The following TYRP1 variants were observed in gnomAD, a reference collection of about 807,000 sequenced individuals.
The protein encoded by TYRP1 is tyrosinase related protein 1, also known as 5,6-dihydroxyindole-2-carboxylic acid oxidase.
Under a neutral mutation model 42.8 loss-of-function variants are expected in TYRP1, and 49 were observed. The observed-to-expected ratio is 1.14, with a 90% confidence interval of 0.91 to 1.45. The LOEUF is 1.45. TYRP1 is among the 40% of genes most tolerant of loss of function. TYRP1 has a pLI of 0.00. For missense variants in TYRP1, 848 were observed against 662.0 expected, an observed-to-expected ratio of 1.28 and a Z score of -3.08; for synonymous variants, 279 against 235.4, an observed-to-expected ratio of 1.19 and a Z score of -1.69.
chr9:12,697,569 T>C (rs1396898494), intron 3 of TYRP1, among the ~76,000 whole-genome samples: 1 of 152,132 alleles, frequency 6.6e-6, no homozygotes, highest in Non-Finnish European at 1.5e-5. Context: ...AGAAATATAC[T>C]GAGTGCTTGA....
chr9:12,708,128 G>T lies in TYRP1; in HGVS notation c.1393G>T (p.Glu465Ter). Residue 465 changes from glutamate (E) to a stop codon, truncating the protein, a stop_gained, in exon 7 of 8, where the codon GAA (glutamate) becomes TAA (stop). Transcript: ENST00000388918. LOFTEE classifies it high-confidence loss of function. ...TCCAGACAACCTGGGATACACTTAT[G>T]AAATTCAATGGCCAAGTGAGTGTTG... ...TAPDNLGYTYEIQWPSREFSV... is the reference protein window; with the variant it reads ...TAPDNLGYTY 1 of 1,612,670 alleles carries T rather than the reference G, an allele frequency of 6.2e-7. No individual in the cohort carries two copies. Among genetic ancestry groups the T allele is most frequent in the Non-Finnish European group, 8.5e-7 (1 of 1,179,212 alleles).
chr9:12,705,595 G>A (rs762539851), intron 6 of TYRP1, among the ~76,000 whole-genome samples: 14 of 151,910 alleles, frequency 9.2e-5, no homozygotes, highest in Non-Finnish European at 2.9e-5. Context: ...GCCTGTAATC[G>A]CAGCACTTTG....
intron 2 of TYRP1, among the ~76,000 whole-genome samples, chr9:12,694,909 C>A (rs920667790): frequency 3.9e-5 from 6 of 152,132 alleles, no homozygotes; most frequent in African/African-American, 1.4e-4. Context: ...TAAACAGTAA[C>A]AGCCAACAAT....
At position 12,695,558 on chromosome 9, in the gene TYRP1, C is replaced by T. The variant is rs769737238; in HGVS notation, c.429C>T (p.His143=). The part of the protein sequence containing the change: ...LLDLSKEEKN[H]FVRALDMAKR... ...ACTTAAGTAAAGAAGAAAAGAACCA[C>T]TTTGTCCGGGCCCTGGATATGGCAA... Residue 143 remains histidine (H), a synonymous_variant, in exon 3 of 8, where the codon CAC becomes CAT. Coordinates refer to ENST00000388918, the MANE Select transcript of TYRP1 (RefSeq NM_000550.3). 5 of 1,614,148 alleles carry T rather than the reference C, an allele frequency of 3.1e-6. No individual in the cohort carries two copies. The Admixed American group carries it at 8.3e-5, about 27-fold the overall frequency.
At chr9:12,708,939 A>T (rs767833671) in intron 7 of TYRP1, 38 bp from the exon 8 acceptor site, 4 of 1,545,412 alleles carry the variant, frequency 2.6e-6, no homozygotes, top group Non-Finnish European at 3.6e-6. Flanking sequence ...AACTATTTTA[A>T]TATTTGTCTT....
At chr9:12,705,821 T>C (rs1818248859) in intron 6 of TYRP1, among the ~76,000 whole-genome samples, 1 of 150,346 alleles carries the variant, frequency 6.7e-6, no homozygotes, top group Non-Finnish European at 1.5e-5. Context: ...CACTCTAGCC[T>C]GGCTGACAGA....
intron 6 of TYRP1, chr9:12,707,607 G>C (rs1176504237): frequency 5.0e-6 from 1 of 200,122 alleles, no homozygotes. Context: ...AGGTCAAAGG[G>C]ATAACAGGAG....
At chr9:12,697,071 G>A (rs966369471) in intron 3 of TYRP1, among the ~76,000 whole-genome samples, 7 of 152,068 alleles carry the variant, frequency 4.6e-5, no homozygotes, top group East Asian at 3.9e-4. Context: ...TACTCTGAAC[G>A]TCATATTTTA....
intron 3 of TYRP1, among the ~76,000 whole-genome samples, chr9:12,696,255 T>C (rs1412769640): frequency 1.3e-5 from 2 of 152,154 alleles, no homozygotes; most frequent in South Asian, 2.1e-4. Context: ...CCTAAATGTA[T>C]ATCTCATCAT....
chr9:12,701,143 C>G (rs1286795224), intron 4 of TYRP1, among the ~76,000 whole-genome samples: 1 of 151,944 alleles, frequency 6.6e-6, no homozygotes, highest in Non-Finnish European at 1.5e-5. Context: ...CACCTCTCCT[C>G]CCACCCATCT....
chr9:12,694,432 C>T (rs1818045000), intron 2 of TYRP1, 51 bp downstream of exon 2: 1 of 1,600,914 alleles, frequency 6.2e-7, no homozygotes, highest in African/African-American at 1.3e-5. Context: ...ACTCAAGGCT[C>T]TTAATAAAAT....
At chr9:12,695,402 A>G (rs1055520428) in intron 2 of TYRP1, 113 bp from the exon 3 acceptor site, 158 of 942,060 alleles carry the variant, frequency 1.7e-4, no homozygotes, top group Non-Finnish European at 2.2e-4. Flanking sequence ...AATTTAAAAC[A>G]CATTTGAACA....
At position 12,709,343 on chromosome 9, in the gene TYRP1, C is replaced by T. The variant is rs549389872; in HGVS notation, c.*161C>T. On this transcript the variant is annotated 3_prime_UTR_variant, in exon 8 of 8. Coordinates refer to ENST00000388918, the MANE Select transcript of TYRP1 (RefSeq NM_000550.3). ...GGCATACTTTTCAAAGCTGGGAAGA[C>T]CCTTTCAGAATCTTTTCAATGGGTT... 25 of 735,478 alleles carry T rather than the reference C, an allele frequency of 3.4e-5. No individual in the cohort carries two copies. The highest frequency in any genetic ancestry group is 5.4e-5 in the Non-Finnish European group (24 of 441,580). The allele number at this position is 735,478 out of a possible 1,614,324, so 45.6% of individuals were successfully genotyped here.
Position 12,709,511 on chromosome 9 carries a change from A to G in TYRP1, c.*329A>G, listed in dbSNP as rs1818322404. The G allele has an allele frequency of 3.6e-6, 1 of 279,018 alleles. No homozygotes were observed. Among genetic ancestry groups the G allele is most frequent in the Admixed American group, 4.6e-5 (1 of 21,582 alleles). 17.3% of individuals were successfully genotyped at this position (279,018 alleles called of 1,614,324 possible). ...ACTACCATGCTTTGTTTACGTGTAA[A>G]GGAAAATAATGTTTGATAGTAAATG... On this transcript the variant is annotated 3_prime_UTR_variant, in exon 8 of 8. Transcript: ENST00000388918.
At chr9:12,697,431 T>C (rs1307886105) in intron 3 of TYRP1, among the ~76,000 whole-genome samples, 1 of 152,148 alleles carries the variant, frequency 6.6e-6, no homozygotes, top group Non-Finnish European at 1.5e-5. Flanking sequence ...ACCACAATGA[T>C]GGCTTCTAAA....
Position 12,704,679 on chromosome 9 carries a change from A to G in TYRP1, c.1235A>G (p.Asp412Gly). The change falls in exon 6 of 8, where the codon GAT becomes GGT. Residue 412 changes from aspartate (D) to glycine (G), a missense_variant. Asp to Gly is a moderately conservative substitution (Grantham distance 94). Transcript: ENST00000388918. ...CACACCTTCACAGATGCAGTCTTTG[A>G]TGAATGGCTGAGGAGATACAATGCT... ...LLHTFTDAVF[D>G]EWLRRYNADI... 1 of 1,613,056 alleles carries G rather than the reference A, an allele frequency of 6.2e-7. No homozygotes were observed. The highest frequency in any genetic ancestry group is 8.5e-7 in the Non-Finnish European group (1 of 1,179,386).
chr9:12,696,576 G>C (rs1818082634), intron 3 of TYRP1, among the ~76,000 whole-genome samples: 1 of 152,060 alleles, frequency 6.6e-6, no homozygotes, highest in Non-Finnish European at 1.5e-5. Context: ...AATATTTTTA[G>C]TGAAAAGACA....
chr9:12,695,976 A>C, intron 3 of TYRP1, 139 bp downstream of exon 3: 2 of 874,814 alleles, frequency 2.3e-6, no homozygotes, highest in South Asian at 1.7e-5. Flanking sequence ...TGTCTTTGGC[A>C]TTTCGTTTTC....
Position 12,694,114 on chromosome 9 carries a change from A to C in TYRP1, c.118A>C (p.Met40Leu), listed in dbSNP as rs748230782. 1 of 1,613,868 alleles carries C rather than the reference A, an allele frequency of 6.2e-7. No homozygotes were observed. The highest frequency in any genetic ancestry group is 1.3e-5 in the African/African-American group (1 of 74,868). ...CATVEALRSGMCCPDLSPVSG... is the reference protein window; with the variant it reads ...CATVEALRSGLCCPDLSPVSG... ...CACTGTTGAGGCTTTGAGAAGTGGT[A>C]TGTGTTGCCCAGACCTGTCCCCTGT... Residue 40 changes from methionine to leucine, a missense_variant, in exon 2 of 8, where the codon ATG (methionine) becomes CTG (leucine). Coordinates refer to ENST00000388918, the MANE Select transcript of TYRP1 (RefSeq NM_000550.3).
Sources: gnomAD v4.1 joint callset for allele counts (sites outside exome capture counted in the v4.1 genomes callset) on GRCh38, gnomAD v4.1.1 for gene constraint, MANE v1.5 for transcripts, NCBI Gene and HGNC (gene_info 2026-07-23, HGNC 2026-07-21) for gene names.